INPP5F: variants seen among roughly 807,000 people sequenced by gnomAD.
INPP5F encodes the protein phosphatidylinositide 4-phosphatase SAC2.
INPP5F carries 97 observed loss-of-function variants against 137.2 expected under a neutral mutation model. The observed-to-expected ratio is 0.71, with a 90% CI of 0.60 to 0.84. The LOEUF is 0.84. INPP5F is among the 40% of genes least tolerant of loss of function. INPP5F has a pLI of 0.00. For synonymous variants in INPP5F, 504 were observed against 476.9 expected, an observed-to-expected ratio of 1.06 and a Z score of -0.74; for missense variants, 1,271 against 1,371.9, an observed-to-expected ratio of 0.93 and a Z score of 1.16.
At chr10:119,791,823 A>G (rs1850156009) in intron 4 of INPP5F, 46 bp from the exon 5 acceptor site, 6 of 1,482,040 alleles carry the variant, frequency 4.0e-6, no homozygotes, top group South Asian at 1.3e-5. Context: ...TCCCCAGACT[A>G]CTTTACATTT....
At chr10:119,762,369 G>GT (rs1351654528) in intron 2 of INPP5F, among the ~76,000 whole-genome samples, 2 of 152,140 alleles carry the variant, frequency 1.3e-5, no homozygotes, top group African/African-American at 4.8e-5. Context: ...TCACATGGCA[G>GT]GAGGCGTGAG....
intron 13 of INPP5F, among the ~76,000 whole-genome samples, chr10:119,809,698 C>A (rs1173243836): frequency 6.6e-6 from 1 of 152,178 alleles, no homozygotes; most frequent in Non-Finnish European, 1.5e-5. Context: ...CCATTGTGAT[C>A]AACTCTAGGG....
At chr10:119,757,114 G>A (rs930766602) in intron 2 of INPP5F, among the ~76,000 whole-genome samples, 12 of 151,690 alleles carry the variant, frequency 7.9e-5, no homozygotes, top group African/African-American at 2.7e-4. Context: ...TTGTTCTGTC[G>A]CCCAGGCTGG....
chr10:119,781,574 A>T, intron 2 of INPP5F, 61 bp from the exon 3 acceptor site: 1 of 1,430,114 alleles, frequency 7.0e-7, no homozygotes, highest in East Asian at 2.4e-5. Context: ...ATTCACCTTC[A>T]ACTTGTCAGA....
intron 1 of INPP5F, among the ~76,000 whole-genome samples, chr10:119,728,831 TTA>T (rs1847966395): frequency 6.6e-6 from 1 of 152,208 alleles, no homozygotes; most frequent in Non-Finnish European, 1.5e-5. Context: ...TTGGCCACCT[TTA>T]TTGTGTTTCC....
rs762989116 is a variant in INPP5F, at chr10:119,798,614, G to A, written c.1116+4G>A. On this transcript the variant is annotated splice_donor_region_variant and intron_variant, in intron 9 of 19. Transcript: ENST00000650623. ...ACTGAACATTTACAAAAAACAGGTG[G>A]GCTTTGATTTACAGTAGTAAAATGT... The A allele has an allele frequency of 1.2e-6, 2 of 1,603,888 alleles. No homozygotes were observed. The highest frequency in any genetic ancestry group is 1.7e-6 in the Non-Finnish European group (2 of 1,172,494).
In INPP5F at chr10:119,750,063, C is replaced by A. The variant is rs543168101; in HGVS notation, c.98-1013C>A. Among the ~76,000 whole-genome samples, 141 of 152,256 alleles carry A rather than the reference C, an allele frequency of 9.3e-4. No individual in the cohort carries two copies. In the Middle Eastern group the frequency reaches 0.01, roughly 11 times the overall value. On this transcript the variant is annotated intron_variant, in intron 1 of 19. Transcript: ENST00000650623. Reference sequence around the variant, plus strand: ...GGATTACAGGCATGAGCCACCACGTCCAGCCAAAAACAAGTCAACTTTTTT... The same window carrying A: ...GGATTACAGGCATGAGCCACCACGTACAGCCAAAAACAAGTCAACTTTTTT...
Position 119,822,504 on chromosome 10 carries a change from G to T in INPP5F, c.2032G>T (p.Gly678Cys). 6.9e-7 allele frequency: 1 copy of T among 1,451,856 alleles called. No homozygotes were observed. The highest frequency in any genetic ancestry group is 9.5e-7 in the Non-Finnish European group (1 of 1,051,182). 89.9% of individuals were successfully genotyped at this position (1,451,856 alleles called of 1,614,324 possible). The change falls in exon 17 of 20, where the codon GGC becomes TGC. Residue 678 changes from glycine (G) to cysteine (C), a missense_variant and splice_region_variant. Coordinates refer to ENST00000650623, the MANE Select transcript of INPP5F (RefSeq NM_014937.4). ...AGAAAACCTGGAAAAAATTGAAATAGGTAAGTTTTAACATACTAATCAAGT... is the reference window on the plus strand; with the variant it reads ...AGAAAACCTGGAAAAAATTGAAATATGTAAGTTTTAACATACTAATCAAGT... ...SLENLEKIEI[G>C]PEPTLFGKPK...
intron 1 of INPP5F, among the ~76,000 whole-genome samples, chr10:119,749,930 C>T (rs1389780583): frequency 6.6e-6 from 1 of 152,102 alleles, no homozygotes; most frequent in African/African-American, 2.4e-5. Context: ...AGGCGCGTGC[C>T]ACCATGCCTG....
intron 9 of INPP5F, chr10:119,799,160 A>G (rs1030954778): frequency 9.2e-6 from 2 of 217,210 alleles, no homozygotes; most frequent in Admixed American, 1.2e-4. Flanking sequence ...AACCAAAATC[A>G]ACTGAAAACT....
In INPP5F at chr10:119,827,516, C is replaced by T. The variant is rs200099250; in HGVS notation, c.3135C>T (p.Ser1045=). 1.2e-5 allele frequency: 20 copies of T among 1,614,186 alleles called. No individual in the cohort carries two copies. In the East Asian group the frequency reaches 4.2e-4, roughly 34 times the overall value. ...ASQKTPTSAS[S]MLELETGLHV... ...AAAAAACCCCCACCTCCGCTTCCAG[C>T]ATGCTTGAACTTGAGACAGGGCTTC... Residue 1045 remains serine (S), a synonymous_variant, in exon 20 of 20, where the codon AGC becomes AGT. Coordinates refer to ENST00000650623, the MANE Select transcript of INPP5F (RefSeq NM_014937.4).
chr10:119,793,415 A>G (rs1850216985), intron 6 of INPP5F, among the ~76,000 whole-genome samples: 1 of 152,094 alleles, frequency 6.6e-6, no homozygotes, highest in African/African-American at 2.4e-5. Context: ...AAAACAAAAC[A>G]AAACAAAACA....
In INPP5F at chr10:119,798,628, G is replaced by A; in HGVS notation, c.1116+18G>A. ...AAAAACAGGTGGGCTTTGATTTACA[G>A]TAGTAAAATGTTCCTTCATCTTTAG... On this transcript the variant is annotated intron_variant, in intron 9 of 19. Coordinates refer to ENST00000650623, the MANE Select transcript of INPP5F (RefSeq NM_014937.4). 2 of 1,528,996 alleles carry A rather than the reference G, an allele frequency of 1.3e-6. No individual in the cohort carries two copies. Among genetic ancestry groups the A allele is most frequent in the South Asian group, 1.1e-5 (1 of 87,768 alleles). The allele number at this position is 1,528,996 out of a possible 1,614,324, so 94.7% of individuals were successfully genotyped here.
rs1277812392 is a variant in INPP5F, at chr10:119,811,965, A to T, written c.1886+10A>T. The T allele has an allele frequency of 1.1e-5, 17 of 1,610,060 alleles. No individual in the cohort carries two copies. In the Admixed American group the frequency reaches 2.8e-4, roughly 27 times the overall value. On this transcript the variant is annotated intron_variant, in intron 15 of 19. Transcript: ENST00000650623. The stretch of plus-strand genomic sequence containing the variant: ...TTGACTGTGACCCTAGGTGAGTTGG[A>T]GTGGTGTCCAGGTGACCAGCTTGCT...
chr10:119,767,131 A>AAAAAAAAAAC (rs1849197109), intron 2 of INPP5F, among the ~76,000 whole-genome samples: 1 of 149,984 alleles, frequency 6.7e-6, no homozygotes, highest in Non-Finnish European at 1.5e-5. Flanking sequence ...AAAAAAAAAA[A>AAAAAAAAAAC]AACCTAGAGA....
intron 4 of INPP5F, 26 bp from the exon 5 acceptor site, chr10:119,791,843 A>G (rs1443967674): frequency 2.0e-6 from 3 of 1,529,654 alleles, no homozygotes; most frequent in Non-Finnish European, 2.7e-6. Context: ...TAATTTCTGT[A>G]GTAATAGTAG....
intron 1 of INPP5F, among the ~76,000 whole-genome samples, 182 bp downstream of exon 1, chr10:119,726,541 A>AG (rs560235385): frequency 1.7e-3 from 259 of 152,276 alleles, no homozygotes; most frequent in African/African-American, 6.0e-3. Context: ...CCTTTCTCCG[A>AG]GACAGCGCCG....
intron 2 of INPP5F, among the ~76,000 whole-genome samples, chr10:119,759,024 CCTTA>C (rs1436446958): frequency 6.6e-6 from 1 of 152,170 alleles, no homozygotes; most frequent in East Asian, 1.9e-4. Flanking sequence ...AAACCCCACT[CCTTA>C]AGTACATTGG....
chr10:119,778,854 G>C (rs185503303), intron 2 of INPP5F, among the ~76,000 whole-genome samples: 4 of 152,224 alleles, frequency 2.6e-5, no homozygotes, highest in Non-Finnish European at 2.9e-5. Context: ...TGCAGTTTGA[G>C]GTTCTCCCAC....
Sources: gnomAD v4.1 joint callset for allele counts (sites outside exome capture counted in the v4.1 genomes callset) on GRCh38, gnomAD v4.1.1 for gene constraint, MANE v1.5 for transcripts, NCBI Gene and HGNC (gene_info 2026-07-23, HGNC 2026-07-21) for gene names.